Variants in GABRA2 observed in about 807,000 individuals in gnomAD.
GABRA2 encodes the protein gamma-aminobutyric acid type A receptor subunit alpha2.
GABRA2 carries 16 observed loss-of-function variants against 48.7 expected under a neutral mutation model. The ratio of observed to expected loss-of-function variants is 0.33; its 90% CI spans 0.22 to 0.50. GABRA2 has a LOEUF of 0.50. Ranked by LOEUF, GABRA2 falls within the 20% of genes least tolerant of loss-of-function variation. GABRA2 has a pLI of 0.98. For synonymous variants in GABRA2, 185 were observed against 184.5 expected, an observed-to-expected ratio of 1.00 and a Z score of -0.02; for missense variants, 275 against 535.6, an observed-to-expected ratio of 0.51 and a Z score of 4.80.
At chr4:46,373,443 A>G (rs991351735) in intron 3 of GABRA2, among the ~76,000 whole-genome samples, 8 of 152,310 alleles carry the variant, frequency 5.3e-5, no homozygotes, top group South Asian at 2.1e-4. Flanking sequence ...CTCCCTCAAG[A>G]GTTCAGATAA....
intron 8 of GABRA2, among the ~76,000 whole-genome samples, chr4:46,266,021 A>C (rs1041376552): frequency 6.6e-6 from 1 of 151,812 alleles, no homozygotes; most frequent in African/African-American, 2.4e-5. Context: ...ATTGTGGTGT[A>C]AGAACATACT....
At chr4:46,281,501 A>C (rs1721527932) in intron 8 of GABRA2, among the ~76,000 whole-genome samples, 1 of 152,196 alleles carries the variant, frequency 6.6e-6, no homozygotes, top group African/African-American at 2.4e-5. Flanking sequence ...TGGTTATCCT[A>C]GAAAGAGAAT....
At chr4:46,281,446 G>A (rs1721514542) in intron 8 of GABRA2, among the ~76,000 whole-genome samples, 1 of 152,162 alleles carries the variant, frequency 6.6e-6, no homozygotes, top group Non-Finnish European at 1.5e-5. Context: ...GACCAGCAAA[G>A]GAGACTAAGA....
intron 3 of GABRA2, among the ~76,000 whole-genome samples, chr4:46,353,825 T>G (rs1432289848): frequency 6.6e-6 from 1 of 152,160 alleles, no homozygotes; most frequent in East Asian, 1.9e-4. Context: ...TTTATTTTTA[T>G]TTTCTCCGTA....
chr4:46,382,439 CAAG>C (rs1716884869), intron 3 of GABRA2, among the ~76,000 whole-genome samples: 1 of 151,870 alleles, frequency 6.6e-6, no homozygotes, highest in South Asian at 2.1e-4. Context: ...GCGATGTTAG[CAAG>C]AAGGAGAGTT....
chr4:46,366,654 T>A (rs1285501336), intron 3 of GABRA2: 1 of 152,142 alleles, frequency 6.6e-6, no homozygotes, highest in African/African-American at 2.4e-5. Flanking sequence ...ATGGGAGTTA[T>A]AATGAGTATT....
chr4:46,386,555 C>T (rs1176643938), intron 2 of GABRA2, among the ~76,000 whole-genome samples: 2 of 152,042 alleles, frequency 1.3e-5, no homozygotes, highest in African/African-American at 4.8e-5. Context: ...TAGAAAATTC[C>T]AATAATCAAA....
rs147534377 is a variant in GABRA2, at chr4:46,323,366, G to T, written c.255+9249C>A. ...CGTGCTAAAATACTGTTTTTCCATT[G>T]TGTAGCTAGCCAATCCTCATTTGTT... On this transcript the variant is annotated intron_variant, in intron 4 of 9. Transcript: ENST00000381620. 4.0e-5 allele frequency among the ~76,000 whole-genome samples: 6 copies of T among 151,626 alleles called. No homozygotes were observed. In the East Asian group the frequency reaches 7.8e-4, roughly 20 times the overall value.
At chr4:46,318,733 C>T (rs1329794966) in intron 4 of GABRA2, among the ~76,000 whole-genome samples, 2 of 151,574 alleles carry the variant, frequency 1.3e-5, no homozygotes, top group East Asian at 1.9e-4. Context: ...ATGAATTACA[C>T]AATGCAGTGG....
intron 3 of GABRA2, among the ~76,000 whole-genome samples, chr4:46,352,554 C>G (rs190267607): frequency 2.6e-5 from 4 of 151,936 alleles, no homozygotes; most frequent in Non-Finnish European, 5.9e-5. Flanking sequence ...TTCCTGAAAG[C>G]ATTGTGGCAA....
At chr4:46,359,196 G>A (rs536853018) in intron 3 of GABRA2, among the ~76,000 whole-genome samples, 94 of 152,180 alleles carry the variant, frequency 6.2e-4, no homozygotes, top group African/African-American at 2.1e-3. Flanking sequence ...TAAAAATCAC[G>A]TACTCCAAAT....
intron 3 of GABRA2, among the ~76,000 whole-genome samples, chr4:46,362,091 C>G (rs558228065): frequency 4.6e-5 from 7 of 152,148 alleles, no homozygotes; most frequent in Admixed American, 3.9e-4. Context: ...TCAGTTAAGA[C>G]TTTGGGGGAC....
intron 3 of GABRA2, among the ~76,000 whole-genome samples, chr4:46,370,513 T>C (rs1714723381): frequency 6.6e-6 from 1 of 152,164 alleles, no homozygotes; most frequent in African/African-American, 2.4e-5. Flanking sequence ...GATGTTGCCA[T>C]TCACATGCCA....
chr4:46,342,463 T>A (rs1733401442), intron 3 of GABRA2, among the ~76,000 whole-genome samples: 1 of 152,020 alleles, frequency 6.6e-6, no homozygotes, highest in Admixed American at 6.6e-5. Flanking sequence ...TGGCCTTATA[T>A]TCATGACCCA....
At chr4:46,273,531 ATATAT>A (rs1719894864) in intron 8 of GABRA2, among the ~76,000 whole-genome samples, 1 of 38,890 alleles carries the variant, frequency 2.6e-5, no homozygotes. Context: ...ATATATATAT[ATATAT>A]GAGAGAGAGA....
At chr4:46,359,529 TA>T (rs1330358900) in intron 3 of GABRA2, among the ~76,000 whole-genome samples, 19 of 152,266 alleles carry the variant, frequency 1.2e-4, no homozygotes, top group African/African-American at 4.6e-4. Context: ...CTGTACCAAG[TA>T]ATAATGGAAA....
At chr4:46,389,708 T>C (rs201020596) in intron 1 of GABRA2, 27 bp downstream of exon 1, 2 of 982,134 alleles carry the variant, frequency 2.0e-6, no homozygotes, top group Admixed American at 6.2e-5. Context: ...AAAGTGTCTC[T>C]ATCGGGACCA....
At chr4:46,277,099 T>C (rs1254951404) in intron 8 of GABRA2, among the ~76,000 whole-genome samples, 2 of 152,156 alleles carry the variant, frequency 1.3e-5, no homozygotes, top group Non-Finnish European at 2.9e-5. Context: ...ATTATCACAA[T>C]TCATTATTCA....
intron 3 of GABRA2, chr4:46,366,737 C>T (rs1714102854): frequency 1.3e-5 from 2 of 152,056 alleles, no homozygotes; most frequent in Admixed American, 1.3e-4. Context: ...TAGTATGATT[C>T]CATTATCTTA....
Sources: allele counts gnomAD v4.1 joint callset (sites outside exome capture counted in the v4.1 genomes callset), GRCh38; gene constraint gnomAD v4.1.1; transcripts MANE v1.5; gene names NCBI Gene and HGNC (gene_info 2026-07-23, HGNC 2026-07-21).